Variants in NXN observed in about 807,000 individuals in gnomAD.
The protein encoded by NXN is nucleoredoxin 1.
NXN carries 16 observed loss-of-function variants against 48.6 expected under a neutral mutation model. The ratio of observed to expected loss-of-function variants is 0.33; its 90% CI spans 0.22 to 0.50. The LOEUF (loss-of-function observed/expected upper bound fraction) is 0.50. Ranked by LOEUF, NXN falls within the 20% of genes least tolerant of loss-of-function variation. The pLI, the probability that NXN is intolerant of heterozygous loss-of-function variation, is 0.98. For synonymous variants in NXN, 281 were observed against 269.6 expected (o/e 1.04, Z -0.41); for missense variants, 492 against 605.5 (o/e 0.81, Z 1.97).
At chr17:835,040 G>A (rs112019402) in intron 1 of NXN, among the ~76,000 whole-genome samples, 4,281 of 151,504 alleles carry the variant, frequency 0.028, 83 homozygotes, top group Non-Finnish European at 0.046. Flanking sequence ...CTGGCGCGGT[G>A]GCTCACGCCC....
Position 910,240 on chromosome 17 carries a change from T to C in NXN, c.360+69079A>G, listed in dbSNP as rs181508230. Among the ~76,000 whole-genome samples the C allele has an allele frequency of 2.1e-4, 32 of 152,144 alleles. No individual in the cohort carries two copies. In the East Asian group the frequency reaches 5.6e-3, roughly 27 times the overall value. On this transcript the variant is annotated intron_variant, in intron 1 of 7. Coordinates refer to ENST00000336868, the MANE Select transcript of NXN (RefSeq NM_022463.5). ...CAGCCTGGCCAACAGGGCGAGACCC[T>C]GTCTCTACTAAAAATACAAAAATGA...
chr17:907,267 G>A lies in NXN; in HGVS notation c.360+72052C>T, dbSNP rs535175073. Among the ~76,000 whole-genome samples, 9 of 152,078 alleles carry A rather than the reference G, an allele frequency of 5.9e-5. No individual in the cohort carries two copies. The South Asian group carries it at 6.2e-4, about 11-fold the overall frequency. ...CCTCTGGCTCTTCAGAAGGGTTAGCGAATTACCTGTGAATTTAGGTGATTG... is the reference window on the plus strand; with the variant it reads ...CCTCTGGCTCTTCAGAAGGGTTAGCAAATTACCTGTGAATTTAGGTGATTG... On this transcript the variant is annotated intron_variant, in intron 1 of 7. Transcript: ENST00000336868.
chr17:819,473 C>A lies in NXN; in HGVS notation c.786G>T (p.Arg262=), dbSNP rs1912690587. ...WLAVPYTDEA[R]RSRLNRLYGI... is the part of the protein sequence containing the mutation. ...CGTACAGCCGGTTGAGGCGCGACCG[C>A]CGGGCCTCATCCGTGTAGGGGACGG... Residue 262 remains arginine, a synonymous_variant, in exon 5 of 8, where the codon CGG becomes CGT. Coordinates refer to ENST00000336868, the MANE Select transcript of NXN (RefSeq NM_022463.5). The A allele has an allele frequency of 1.2e-6, 2 of 1,614,014 alleles. No individual in the cohort carries two copies. Among genetic ancestry groups the A allele is most frequent in the African/African-American group, 1.3e-5 (1 of 74,952 alleles).
chr17:859,811 G>A (rs2068023815), intron 1 of NXN, among the ~76,000 whole-genome samples: 1 of 152,142 alleles, frequency 6.6e-6, no homozygotes, highest in Admixed American at 6.5e-5. Context: ...GTCCTCCACG[G>A]GGTACTCTGA....
chr17:859,277 T>C (rs2068018289), intron 1 of NXN, among the ~76,000 whole-genome samples: 1 of 152,146 alleles, frequency 6.6e-6, no homozygotes, highest in African/African-American at 2.4e-5. Context: ...AAGCGGTCGT[T>C]TGGAAGTGGA....
chr17:892,727 A>G (rs1208266433), intron 1 of NXN, among the ~76,000 whole-genome samples: 1 of 152,220 alleles, frequency 6.6e-6, no homozygotes, highest in Admixed American at 6.5e-5. Context: ...CTTAGTGACA[A>G]TCGAAAATGG....
In NXN at chr17:821,279, C is replaced by T. The variant is rs537671335; in HGVS notation, c.713+1078G>A. ...ACTGGTGACTCAGTCTAAACTGGGGCGGGAGTTTTGAGGTGAAGGAAATTC... is the reference window on the plus strand; with the variant it reads ...ACTGGTGACTCAGTCTAAACTGGGGTGGGAGTTTTGAGGTGAAGGAAATTC... On this transcript the variant is annotated intron_variant, in intron 4 of 7. Transcript: ENST00000336868. Among the ~76,000 whole-genome samples the T allele has an allele frequency of 1.7e-4, 13 of 77,822 alleles. 4 individuals carry two copies. The East Asian group carries it at 5.1e-3, about 31-fold the overall frequency. 51.1% of individuals were successfully genotyped at this position (77,822 alleles called of 152,430 possible).
intron 5 of NXN, among the ~76,000 whole-genome samples, chr17:811,966 C>T (rs112209893): frequency 0.16 from 22,279 of 137,354 alleles, 1,942 homozygotes; most frequent in East Asian, 0.28. Flanking sequence ...CTCGCTCTGT[C>T]GCCCAGGCTG....
Position 823,666 on chromosome 17 carries a change from C to G in NXN, c.578G>C (p.Gly193Ala). ...GQSLESSSLE[G>A]SHVGVYFSAH... ...GGAGAAATAGACGCCCACGTGAGAC[C>G]CCTCCAGGCTGCTGCTCTCCAGAGA... is the stretch of plus-strand genomic sequence containing the variant. Residue 193 changes from glycine (G) to alanine (A), a missense_variant, in exon 3 of 8, where the codon GGG (glycine) becomes GCG (alanine). Physicochemically the swap from Gly to Ala is moderately conservative, Grantham distance 60 (BLOSUM62 0). This residue lies in a region of NXN where 303 missense variants were observed against 388.3 expected (regional missense o/e 0.78). Transcript: ENST00000336868. 6.2e-7 allele frequency: 1 copy of G among 1,614,118 alleles called. No homozygotes were observed.
chr17:947,430 C>A (rs1199908398), intron 1 of NXN, among the ~76,000 whole-genome samples: 5 of 152,064 alleles, frequency 3.3e-5, no homozygotes, highest in Admixed American at 3.3e-4. Context: ...ATTCGACTAA[C>A]CCCAAATCAA....
At chr17:892,814 T>C (rs918944073) in intron 1 of NXN, among the ~76,000 whole-genome samples, 3 of 152,210 alleles carry the variant, frequency 2.0e-5, no homozygotes, top group Non-Finnish European at 4.4e-5. Context: ...ATGTCATTCA[T>C]TATGCATTCG....
At chr17:840,232 G>A (rs913772967) in intron 1 of NXN, among the ~76,000 whole-genome samples, 3 of 152,184 alleles carry the variant, frequency 2.0e-5, no homozygotes, top group Admixed American at 2.0e-4. Context: ...GGAGAATGGG[G>A]AAATGACTTC....
At chr17:824,845 G>C (rs1276734196) in intron 2 of NXN, among the ~76,000 whole-genome samples, 2 of 152,194 alleles carry the variant, frequency 1.3e-5, no homozygotes, top group African/African-American at 2.4e-5. Flanking sequence ...TTGGGGGCTG[G>C]GAAGGAGGAG....
In NXN at chr17:963,214, G is replaced by GACACACACACACAC. The variant is rs58535607; in HGVS notation, c.360+16091_360+16104dup. On this transcript the variant is annotated intron_variant, in intron 1 of 7. Coordinates refer to ENST00000336868, the MANE Select transcript of NXN (RefSeq NM_022463.5). ...AAAAAAAGGTATAGGTACTGGGACG[G>GACACACACACACAC]ACACACACACACACACACACACACA... Among the ~76,000 whole-genome samples, 533 of 142,918 alleles carry GACACACACACACAC rather than the reference G, an allele frequency of 3.7e-3. 5 individuals are homozygous for GACACACACACACAC. The highest frequency in any genetic ancestry group is 0.036 in the East Asian group (174 of 4,868). 93.8% of individuals were successfully genotyped at this position (142,918 alleles called of 152,430 possible). A position where few individuals can be genotyped will look rare whatever the true frequency, so the allele number is the denominator to read the frequency against.
At chr17:845,059 G>T (rs1268452053) in intron 1 of NXN, among the ~76,000 whole-genome samples, 1 of 152,154 alleles carries the variant, frequency 6.6e-6, no homozygotes, top group African/African-American at 2.4e-5. Flanking sequence ...GACACGTCCA[G>T]CACAGACTCA....
intron 1 of NXN, among the ~76,000 whole-genome samples, chr17:971,080 C>A (rs925914976): frequency 6.6e-6 from 1 of 151,210 alleles, no homozygotes; most frequent in African/African-American, 2.4e-5. Context: ...CTCAGTAGCT[C>A]GGATTACAGG....
chr17:918,444 G>A (rs913229803), intron 1 of NXN, among the ~76,000 whole-genome samples: 5 of 152,096 alleles, frequency 3.3e-5, no homozygotes, highest in East Asian at 3.8e-4. Context: ...TTTGGCTCCC[G>A]AGTCAATCAC....
rs118019319 is a variant in NXN at position 921,575 on chromosome 17, G to A, written c.360+57744C>T. Among the ~76,000 whole-genome samples the A allele has an allele frequency of 9.2e-3, 1,406 of 152,156 alleles. 24 individuals carry two copies. The highest frequency in any genetic ancestry group is 0.06 in the East Asian group (307 of 5,156). On this transcript the variant is annotated intron_variant, in intron 1 of 7. Coordinates refer to ENST00000336868, the MANE Select transcript of NXN (RefSeq NM_022463.5). ...ACCCTTGGCTTTCTCCTCCTGTCCCGAAGATGAGTCCATCTGCTCCAGCAC... is the reference window on the plus strand; with the variant it reads ...ACCCTTGGCTTTCTCCTCCTGTCCCAAAGATGAGTCCATCTGCTCCAGCAC...
chr17:895,904 T>C (rs2144884171), intron 1 of NXN, among the ~76,000 whole-genome samples: 1 of 152,186 alleles, frequency 6.6e-6, no homozygotes, highest in East Asian at 1.9e-4. Context: ...TTTAGTAAAA[T>C]GGGCTTTACA....
Sources: gnomAD v4.1 joint callset for allele counts (sites outside exome capture counted in the v4.1 genomes callset) on GRCh38, gnomAD v4.1.1 for gene constraint, gnomAD v4.1.1 regional missense constraint, MANE v1.5 for transcripts, NCBI Gene and HGNC (gene_info 2026-07-23, HGNC 2026-07-21) for gene names.